FTCD: variants seen among roughly 807,000 people sequenced by gnomAD.
FTCD encodes formimidoyltransferase cyclodeaminase, also known as formimidoyltransferase-cyclodeaminase.
FTCD carries 76 observed loss-of-function variants against 62.9 expected under a neutral mutation model. That is an observed-to-expected ratio of 1.21 (90% CI 1.00 to 1.46). The LOEUF (loss-of-function observed/expected upper bound fraction) is 1.46. FTCD is among the 40% of genes most tolerant of loss of function. The pLI is 0.00. For missense variants in FTCD, 845 were observed against 751.3 expected (o/e 1.12, Z -1.46); for synonymous variants, 397 against 336.9 (o/e 1.18, Z -1.95).
chr21:46,148,803 T>C (rs1244314516), intron 7 of FTCD, among the ~76,000 whole-genome samples: 1 of 152,160 alleles, frequency 6.6e-6, no homozygotes, highest in Non-Finnish European at 1.5e-5. Context: ...CAGTGCTCTG[T>C]GTTACGTGAA....
At chr21:46,142,674 C>G (rs896833959) in intron 10 of FTCD, 1 of 152,186 alleles carries the variant, frequency 6.6e-6, no homozygotes, top group Non-Finnish European at 1.5e-5. Context: ...AGAACAAAGC[C>G]CCCACAGCTT....
At chr21:46,136,269 C>G, downstream of FTCD, 4 of 597,414 alleles carry the variant, frequency 6.7e-6, no homozygotes, top group Non-Finnish European at 1.2e-5. Context: ...TAGTGATTTG[C>G]TAAATTATTT....
intron 12 of FTCD, among the ~76,000 whole-genome samples, chr21:46,137,837 C>T (rs2078904916): frequency 9.5e-6 from 1 of 105,310 alleles, no homozygotes; most frequent in African/African-American, 3.2e-5. Context: ...GACCCTCTGC[C>T]CAGCTGTGGC....
At chr21:46,153,446 C>T (rs922378880) in intron 2 of FTCD, among the ~76,000 whole-genome samples, 11 of 152,302 alleles carry the variant, frequency 7.2e-5, no homozygotes, top group African/African-American at 2.6e-4. Context: ...GGCTGGGTTC[C>T]GGCCACCCCA....
At chr21:46,152,323 C>G in intron 3 of FTCD, 1 of 291,228 alleles carries the variant, frequency 3.4e-6, no homozygotes, top group Non-Finnish European at 6.4e-6. Flanking sequence ...AATATAACGG[C>G]AGAGAAGAGG....
At chr21:46,146,364 C>A in intron 7 of FTCD, 37 bp from the exon 8 acceptor site, 3 of 1,438,064 alleles carry the variant, frequency 2.1e-6, no homozygotes, top group Non-Finnish European at 2.9e-6. Flanking sequence ...GGCCTCGGCG[C>A]GTCTCCACCA....
At position 46,139,918 on chromosome 21, in the gene FTCD, G is replaced by T. The variant is rs142297051; in HGVS notation, c.1261-995C>A. ...GCGGTGTCCATGGTCTCCCTGGGCA[G>T]ATCTTGGCCAAGGGTGTGCTTTAGG... On this transcript the variant is annotated intron_variant, in intron 10 of 13. Coordinates refer to ENST00000397746, the MANE Select transcript of FTCD (RefSeq NM_206965.2). Among the ~76,000 whole-genome samples the T allele has an allele frequency of 4.1e-3, 622 of 152,332 alleles. 5 individuals are homozygous for T. Among genetic ancestry groups the T allele is most frequent in the Non-Finnish European group, 7.1e-3 (485 of 68,022 alleles).
intron 3 of FTCD, chr21:46,152,648 G>C: frequency 2.4e-6 from 1 of 425,262 alleles, no homozygotes; most frequent in East Asian, 3.6e-5. Context: ...TGCTCTAGAA[G>C]GCGTGGACTT....
At chr21:46,146,539 G>A in intron 7 of FTCD, 2 of 597,926 alleles carry the variant, frequency 3.3e-6, no homozygotes, top group South Asian at 4.0e-5. Flanking sequence ...ACCCCGTACA[G>A]GCTTCTGGAA....
rs1025858788 is a variant in FTCD at position 46,138,384 on chromosome 21, C to T, written c.1443+124G>A. On this transcript the variant is annotated intron_variant, in intron 12 of 13. Transcript: ENST00000397746. ...GAGGAGGCCAAAGCCCCGGGAACTG[C>T]CCGTGAAGTGAGGTCTCCCTACCTG... 4 of 906,750 alleles carry T rather than the reference C, an allele frequency of 4.4e-6. No individual in the cohort carries two copies. In the African/African-American group the frequency reaches 4.9e-5, roughly 11 times the overall value. 56.2% of individuals were successfully genotyped at this position (906,750 alleles called of 1,614,324 possible).
chr21:46,151,744 G>C lies in FTCD; in HGVS notation c.457-7C>G. 1 of 1,612,682 alleles carries C rather than the reference G, an allele frequency of 6.2e-7. No homozygotes were observed. Among genetic ancestry groups the C allele is most frequent in the Non-Finnish European group, 8.5e-7 (1 of 1,179,946 alleles). On this transcript the variant is annotated splice_polypyrimidine_tract_variant and splice_region_variant and intron_variant, in intron 4 of 13. Transcript: ENST00000397746. The stretch of plus-strand genomic sequence containing the variant: ...CCCAGTCGGCCTGCTGGAGCTGTGA[G>C]CAAGTTCGCTCTGGGGTGAGACATC...
In FTCD at chr21:46,152,897, G is replaced by GGGC; in HGVS notation, c.367+9_367+10insGCC. 1 of 1,210,076 alleles carries GGGC rather than the reference G, an allele frequency of 8.3e-7. No homozygotes were observed. The highest frequency in any genetic ancestry group is 1.5e-5 in the African/African-American group (1 of 65,650). 75.0% of individuals were successfully genotyped at this position (1,210,076 alleles called of 1,614,324 possible). On this transcript the variant is annotated intron_variant, in intron 3 of 13. Transcript: ENST00000397746. ...GGAGCAGAGTGAGGGGGGCGGGGGGGCACGCTCACCTGGCACGTCCAGCTC... is the reference window on the plus strand; with the variant it reads ...GGAGCAGAGTGAGGGGGGCGGGGGGGGGCCACGCTCACCTGGCACGTCCAGCTC...
At position 46,155,395 on chromosome 21, in the gene FTCD, C is replaced by T. The variant is rs1601360382; in HGVS notation, c.54+75G>A. 4.0e-6 allele frequency: 5 copies of T among 1,246,252 alleles called. No homozygotes were observed. In the East Asian group the frequency reaches 9.6e-5, roughly 24 times the overall value. The allele number at this position is 1,246,252 out of a possible 1,614,324, so 77.2% of individuals were successfully genotyped here. ...ACCCGGGACACCAAGCCCACCACCT[C>T]CTCCATGGCCTGGGCCTTAGCCACT... On this transcript the variant is annotated intron_variant, in intron 1 of 13. Coordinates refer to ENST00000397746, the MANE Select transcript of FTCD (RefSeq NM_206965.2).
intron 8 of FTCD, 42 bp from the exon 9 acceptor site, chr21:46,145,989 TG>T (rs1256024262): frequency 4.0e-6 from 5 of 1,257,632 alleles, no homozygotes; most frequent in African/African-American, 1.5e-5. Flanking sequence ...CCGGGGTTGG[TG>T]GGGGGAGCGC....
At chr21:46,152,360 G>A (rs2079311141) in intron 3 of FTCD, 1 of 236,492 alleles carries the variant, frequency 4.2e-6, no homozygotes, top group Non-Finnish European at 8.2e-6. Context: ...GCACACCAGT[G>A]TGACTGTGAC....
At chr21:46,151,506 C>A (rs1316235415) in intron 5 of FTCD, 52 bp downstream of exon 5, 6 of 1,526,544 alleles carry the variant, frequency 3.9e-6, no homozygotes, top group Non-Finnish European at 5.4e-6. Flanking sequence ...CAGCCTCTAA[C>A]CCTTTCCCGA....
chr21:46,153,198 G>A (rs958789438), intron 2 of FTCD, among the ~76,000 whole-genome samples, 163 bp from the exon 3 acceptor site: 28 of 152,156 alleles, frequency 1.8e-4, no homozygotes, highest in Non-Finnish European at 3.2e-4. Context: ...GGCCCTGGGC[G>A]CTCCCAGCCC....
rs540063953 is a variant in FTCD, at chr21:46,137,139, C to A, written c.1540-66G>T. The A allele has an allele frequency of 1.2e-5, 19 of 1,601,582 alleles. No homozygotes were observed. In the Admixed American group the frequency reaches 1.7e-4, roughly 14 times the overall value. On this transcript the variant is annotated intron_variant, in intron 13 of 13. Coordinates refer to ENST00000397746, the MANE Select transcript of FTCD (RefSeq NM_206965.2). ...TTCAGCCCAGCTTGCTGGGCAGCAA[C>A]CTCCGACCCCCACTGCCCACAGCCA...
intron 7 of FTCD, among the ~76,000 whole-genome samples, chr21:46,148,451 C>G (rs1194585609): frequency 6.6e-6 from 1 of 152,132 alleles, no homozygotes; most frequent in Non-Finnish European, 1.5e-5. Context: ...AGAGCAAAAC[C>G]CCATCTGTAC....
Sources: gnomAD v4.1 joint callset for allele counts (sites outside exome capture counted in the v4.1 genomes callset) on GRCh38, gnomAD v4.1.1 for gene constraint, MANE v1.5 for transcripts, NCBI Gene and HGNC (gene_info 2026-07-23, HGNC 2026-07-21) for gene names.